Variants in ZCCHC7 observed in about 807,000 individuals in gnomAD.
ZCCHC7 encodes zinc finger CCHC-type containing 7, also known as zinc finger CCHC domain-containing protein 7.
ZCCHC7 carries 35 observed loss-of-function variants against 52.0 expected under a neutral mutation model. The observed-to-expected ratio is 0.67, with a 90% CI of 0.51 to 0.89. The LOEUF is 0.89. Ranked by LOEUF, ZCCHC7 falls within the 40% of genes least tolerant of loss-of-function variation. The pLI is 0.00. For synonymous variants in ZCCHC7, 217 were observed against 221.5 expected (o/e 0.98, Z 0.18); for missense variants, 574 against 649.1 (o/e 0.88, Z 1.26).
intron 2 of ZCCHC7, among the ~76,000 whole-genome samples, chr9:37,133,987 G>C (rs907249474): frequency 3.3e-5 from 5 of 152,186 alleles, no homozygotes; most frequent in African/African-American, 1.2e-4. Flanking sequence ...GCCTCCCAAA[G>C]TGGTAGGATT....
At chr9:37,314,749 TA>T (rs34853130) in intron 5 of ZCCHC7, among the ~76,000 whole-genome samples, 48,856 of 120,824 alleles carry the variant, frequency 0.4, 8,695 homozygotes, top group Non-Finnish European at 0.43. Flanking sequence ...CGATCTCTTT[TA>T]AAAAAAAAAA....
At chr9:37,312,406 A>T (rs1829639627) in intron 5 of ZCCHC7, among the ~76,000 whole-genome samples, 2 of 152,238 alleles carry the variant, frequency 1.3e-5, no homozygotes, top group African/African-American at 4.8e-5. Flanking sequence ...TCAGAGTATA[A>T]TAGGAAAGGT....
chr9:37,175,011 C>T (rs191414703), intron 2 of ZCCHC7, among the ~76,000 whole-genome samples: 1 of 151,984 alleles, frequency 6.6e-6, no homozygotes, highest in African/African-American at 2.4e-5. Flanking sequence ...GTGGTACATG[C>T]CCGTGATTCC....
chr9:37,353,550 G>A (rs1255094802), intron 7 of ZCCHC7, among the ~76,000 whole-genome samples: 1 of 152,126 alleles, frequency 6.6e-6, no homozygotes, highest in Non-Finnish European at 1.5e-5. Flanking sequence ...AGTGCAAAAT[G>A]GGAAGGACTT....
intron 2 of ZCCHC7, among the ~76,000 whole-genome samples, chr9:37,290,127 G>A (rs954995075): frequency 6.6e-6 from 1 of 152,028 alleles, no homozygotes; most frequent in African/African-American, 2.4e-5. Flanking sequence ...CCCACTAGAC[G>A]ATAAGTTCTA....
At chr9:37,306,582 C>T (rs1037368168) in intron 5 of ZCCHC7, among the ~76,000 whole-genome samples, 3 of 151,546 alleles carry the variant, frequency 2.0e-5, no homozygotes, top group African/African-American at 7.3e-5. Flanking sequence ...TCTCCTGCCT[C>T]AGCCTCCCGA....
At chr9:37,206,061 A>G (rs1823892791) in intron 2 of ZCCHC7, among the ~76,000 whole-genome samples, 1 of 152,120 alleles carries the variant, frequency 6.6e-6, no homozygotes, top group African/African-American at 2.4e-5. Context: ...TAATATAGGC[A>G]GCCACTCTTG....
intron 2 of ZCCHC7, among the ~76,000 whole-genome samples, chr9:37,275,021 G>A (rs958510028): frequency 6.6e-6 from 1 of 152,086 alleles, no homozygotes; most frequent in African/African-American, 2.4e-5. Context: ...AAAAATTAGA[G>A]CTTTATACTA....
chr9:37,323,066 T>C (rs1830114180), intron 5 of ZCCHC7, among the ~76,000 whole-genome samples: 3 of 152,152 alleles, frequency 2.0e-5, no homozygotes, highest in Admixed American at 1.3e-4. Context: ...TAGCCCCGTT[T>C]TACCTATGAG....
At chr9:37,260,147 C>G (rs1826795614) in intron 2 of ZCCHC7, among the ~76,000 whole-genome samples, 1 of 152,188 alleles carries the variant, frequency 6.6e-6, no homozygotes, top group African/African-American at 2.4e-5. Flanking sequence ...CTGTCCTGGT[C>G]CTTAGGCTGG....
rs540674320 is a variant in ZCCHC7, at chr9:37,197,527, T to A, written c.610+70585T>A. 1.6e-3 allele frequency among the ~76,000 whole-genome samples: 244 copies of A among 152,322 alleles called. 1 individual carries two copies. Among genetic ancestry groups the A allele is most frequent in the African/African-American group, 5.6e-3 (234 of 41,584 alleles). On this transcript the variant is annotated intron_variant, in intron 2 of 8. Coordinates refer to ENST00000336755, the MANE Select transcript of ZCCHC7 (RefSeq NM_032226.3). ...TGGAAGGAAAGGCACAGTGAACTGT[T>A]TTTTATTTTGGAAACGAAAATGCCA...
chr9:37,338,797 CAG>C (rs1478231995), intron 6 of ZCCHC7, among the ~76,000 whole-genome samples: 1 of 151,694 alleles, frequency 6.6e-6, no homozygotes, highest in Non-Finnish European at 1.5e-5. Flanking sequence ...TCTTTTTAAA[CAG>C]AGAAAATATC....
chr9:37,294,694 T>A (rs1014520583), intron 2 of ZCCHC7, among the ~76,000 whole-genome samples: 1 of 152,212 alleles, frequency 6.6e-6, no homozygotes, highest in Non-Finnish European at 1.5e-5. Flanking sequence ...CATACAGTTG[T>A]CCATATGAAT....
intron 2 of ZCCHC7, among the ~76,000 whole-genome samples, chr9:37,161,565 ACT>A (rs894513489): frequency 4.0e-5 from 6 of 151,570 alleles, no homozygotes; most frequent in African/African-American, 1.2e-4. Flanking sequence ...ACAGAGCAAG[ACT>A]CTGTCTCAAA....
chr9:37,180,158 A>G (rs540918845), intron 2 of ZCCHC7, among the ~76,000 whole-genome samples: 3 of 152,194 alleles, frequency 2.0e-5, no homozygotes, highest in Non-Finnish European at 4.4e-5. Context: ...TTGATATTCT[A>G]TAAATGTAAT....
chr9:37,351,955 A>G (rs1821406551), intron 7 of ZCCHC7, among the ~76,000 whole-genome samples: 1 of 152,238 alleles, frequency 6.6e-6, no homozygotes, highest in South Asian at 2.1e-4. Context: ...CAAATTTGGC[A>G]GCCTCATGAC....
At chr9:37,255,565 C>T (rs542138812) in intron 2 of ZCCHC7, among the ~76,000 whole-genome samples, 6 of 152,154 alleles carry the variant, frequency 3.9e-5, no homozygotes, top group Admixed American at 1.3e-4. Flanking sequence ...CAGCTGACTA[C>T]GGGTAACTGA....
At chr9:37,135,902 T>A (rs1842977927) in intron 2 of ZCCHC7, among the ~76,000 whole-genome samples, 1 of 152,210 alleles carries the variant, frequency 6.6e-6, no homozygotes, top group African/African-American at 2.4e-5. Flanking sequence ...TAGAGGCCAT[T>A]GTTGAATTCC....
chr9:37,122,058 A>G (rs1842339301), intron 1 of ZCCHC7, among the ~76,000 whole-genome samples: 1 of 152,226 alleles, frequency 6.6e-6, no homozygotes, highest in Non-Finnish European at 1.5e-5. Flanking sequence ...ACTGAAAATG[A>G]GGCTGTGGAT....
Sources: gnomAD v4.1 joint callset for allele counts (sites outside exome capture counted in the v4.1 genomes callset) on GRCh38, gnomAD v4.1.1 for gene constraint, MANE v1.5 for transcripts, NCBI Gene and HGNC (gene_info 2026-07-23, HGNC 2026-07-21) for gene names.